Variants in PHACTR2 observed in about 807,000 individuals in gnomAD.
The protein encoded by PHACTR2 is phosphatase and actin regulator 2.
A neutral mutation model predicts 76.0 loss-of-function variants in PHACTR2; 30 were observed. The observed-to-expected ratio is 0.39, with a 90% confidence interval of 0.30 to 0.54. The LOEUF (loss-of-function observed/expected upper bound fraction) is 0.54. Ranked by LOEUF, PHACTR2 falls within the 20% of genes least tolerant of loss-of-function variation. PHACTR2 has a pLI of 0.61. For synonymous variants in PHACTR2, 292 were observed against 292.5 expected, an observed-to-expected ratio of 1.00 and a Z score of 0.02; for missense variants, 696 against 781.1, an observed-to-expected ratio of 0.89 and a Z score of 1.30.
chr6:143,812,979 A>G (rs6940823), intron 12 of PHACTR2, among the ~76,000 whole-genome samples: 65,306 of 152,044 alleles, frequency 0.43, 14,471 homozygotes, highest in African/African-American at 0.53. Context: ...ACAGCTGAGC[A>G]GTAAGATTTT....
At chr6:143,706,299 G>T (rs1048033264) in intron 1 of PHACTR2, among the ~76,000 whole-genome samples, 1 of 152,232 alleles carries the variant, frequency 6.6e-6, no homozygotes, top group Non-Finnish European at 1.5e-5. Context: ...AGATCTGTGC[G>T]TTGGGCGTGC....
Position 143,823,596 on chromosome 6 carries a change from G to T in PHACTR2, c.1923-78G>T. 5 of 1,091,082 alleles carry T rather than the reference G, an allele frequency of 4.6e-6. No individual in the cohort carries two copies. The South Asian group carries it at 6.5e-5, about 14-fold the overall frequency. 67.6% of individuals were successfully genotyped at this position (1,091,082 alleles called of 1,614,324 possible). A position where few individuals can be genotyped will look rare whatever the true frequency, so the allele number is the denominator to read the frequency against. The stretch of plus-strand genomic sequence containing the variant: ...TGGGGTACCTTTTCATTGTAAACAT[G>T]ACCACGCCTTATTCAGCTCACTGCA... On this transcript the variant is annotated intron_variant, in intron 12 of 12. Coordinates refer to ENST00000440869, the MANE Select transcript of PHACTR2 (RefSeq NM_001100164.2). This position sits in a 1 kb window ranked among gnomAD's most constrained non-coding sequence, Gnocchi z 5.7.
intron 1 of PHACTR2, among the ~76,000 whole-genome samples, chr6:143,693,936 G>C (rs1777709948): frequency 1.3e-5 from 2 of 152,152 alleles, no homozygotes; most frequent in South Asian, 4.1e-4. Flanking sequence ...GGGTGTGGTG[G>C]TGTGCACCTC....
upstream of PHACTR2, among the ~76,000 whole-genome samples, chr6:143,606,567 T>C (rs1025700437): frequency 5.3e-5 from 8 of 152,202 alleles, no homozygotes; most frequent in African/African-American, 7.2e-5. Flanking sequence ...ACTTCTTAGC[T>C]ACTCCTTACC....
chr6:143,641,407 G>A lies in PHACTR2; in HGVS notation c.13+33085G>A, dbSNP rs1186205432. The stretch of plus-strand genomic sequence containing the variant: ...AGGAAAGGAAGGATTCTCCTCCAGT[G>A]CCTTGAGAACGAGCACTGCCCTGCC... On this transcript the variant is annotated intron_variant, in intron 1 of 11. Coordinates refer to the PHACTR2 transcript ENST00000305766. The surrounding 1 kb of genome is among the most constrained non-coding windows in gnomAD (Gnocchi z 5.8). Among the ~76,000 whole-genome samples, 1 of 152,200 alleles carries A rather than the reference G, an allele frequency of 6.6e-6. No individual in the cohort carries two copies. Among genetic ancestry groups the A allele is most frequent in the Non-Finnish European group, 1.5e-5 (1 of 68,030 alleles).
chr6:143,711,325 A>G (rs1035496479), intron 1 of PHACTR2, among the ~76,000 whole-genome samples: 1 of 152,182 alleles, frequency 6.6e-6, no homozygotes, highest in Non-Finnish European at 1.5e-5. Flanking sequence ...AGTCATTGCT[A>G]TCTTCTGTCA....
At position 143,678,342 on chromosome 6, in the gene PHACTR2, A is replaced by C; in HGVS notation, c.46+133A>C. 1 of 769,502 alleles carries C rather than the reference A, an allele frequency of 1.3e-6. No individual in the cohort carries two copies. Among genetic ancestry groups the C allele is most frequent in the Non-Finnish European group, 1.9e-6 (1 of 533,924 alleles). 47.7% of individuals were successfully genotyped at this position (769,502 alleles called of 1,614,324 possible). ...GCCAAGTCCCTCGGAGAAACCCCAG[A>C]GGTAGCGCTCGCCAAACTCTTTGTC... is the stretch of plus-strand genomic sequence containing the variant. On this transcript the variant is annotated intron_variant, in intron 1 of 12. Transcript: ENST00000440869. The surrounding 1 kb of genome is among the most constrained non-coding windows in gnomAD (Gnocchi z 6.2).
chr6:143,678,003 C>T lies in PHACTR2; in HGVS notation c.-161C>T. Reference sequence around the variant, plus strand: ...GATCCGCCGCGCCGGCTGCGGCCGGCCGGGCTGGGAGACCCGCGCGGGGTA... The same window carrying T: ...GATCCGCCGCGCCGGCTGCGGCCGGTCGGGCTGGGAGACCCGCGCGGGGTA... On this transcript the variant is annotated 5_prime_UTR_variant, in exon 1 of 13. Transcript: ENST00000440869. The surrounding 1 kb of genome is among the most constrained non-coding windows in gnomAD (Gnocchi z 6.2). 1.4e-5 allele frequency: 21 copies of T among 1,451,374 alleles called. 1 individual carries two copies. In the South Asian group the frequency reaches 2.8e-4, roughly 20 times the overall value. The allele number at this position is 1,451,374 out of a possible 1,614,324, so 89.9% of individuals were successfully genotyped here.
chr6:143,567,928 A>C (rs1775385818), intron 1 of PHACTR2, among the ~76,000 whole-genome samples: 2 of 152,204 alleles, frequency 1.3e-5, no homozygotes, highest in Admixed American at 1.3e-4. Context: ...TACCTCTAGA[A>C]ACGTTCCAGC....
At chr6:143,575,337 T>C (rs1363038914) in intron 1 of PHACTR2, among the ~76,000 whole-genome samples, 1 of 152,226 alleles carries the variant, frequency 6.6e-6, no homozygotes, top group Non-Finnish European at 1.5e-5. Flanking sequence ...TTTACATAAT[T>C]TGTGTACTTT....
upstream of PHACTR2, among the ~76,000 whole-genome samples, chr6:143,675,580 A>G (rs1777232026): frequency 6.6e-6 from 1 of 152,202 alleles, no homozygotes; most frequent in Non-Finnish European, 1.5e-5. This position sits in a 1 kb window ranked among gnomAD's most constrained non-coding sequence, Gnocchi z 4.9. Flanking sequence ...GCATTTACCA[A>G]GATATCACTG....
In PHACTR2 at chr6:143,774,066, G is replaced by A. The variant is rs758351895; in HGVS notation, c.1440G>A (p.Leu480=). The change falls in exon 8 of 13, where the codon TTG becomes TTA. Residue 480 remains leucine (L), a synonymous_variant. Transcript: ENST00000440869. This position sits in a 1 kb window ranked among gnomAD's most constrained non-coding sequence, Gnocchi z 5.4. ...CTCTTTTTCAATCCTCAGGTGCTTT[G>A]GCAAGTAAAATACGCCGGAGGGATA... is the stretch of plus-strand genomic sequence containing the variant. ...EDEDGSGESA[L]ASKIRRRDTL... is the part of the protein sequence containing the mutation. 1 of 1,613,168 alleles carries A rather than the reference G, an allele frequency of 6.2e-7. No homozygotes were observed.
rs1375696326 is a variant in PHACTR2 at position 143,830,150 on chromosome 6, G to C, written c.*6461G>C. On this transcript the variant is annotated 3_prime_UTR_variant, in exon 13 of 13. Transcript: ENST00000440869. The stretch of plus-strand genomic sequence containing the variant: ...AACCACTTTCATCCCTTAAAATATA[G>C]GGACTAATATTTCTTTTTCTTTTTT... 6.6e-6 allele frequency: 1 copy of C among 151,968 alleles called. No homozygotes were observed. The highest frequency in any genetic ancestry group is 1.9e-4 in the East Asian group (1 of 5,198). The allele number at this position is 151,968 out of a possible 1,614,324, so 9.4% of individuals were successfully genotyped here. A position where few individuals can be genotyped will look rare whatever the true frequency, so the allele number is the denominator to read the frequency against.
intron 1 of PHACTR2, among the ~76,000 whole-genome samples, chr6:143,569,635 A>T (rs1775419328): frequency 6.6e-6 from 1 of 152,200 alleles, no homozygotes; most frequent in African/African-American, 2.4e-5. Flanking sequence ...CACTGGTGGT[A>T]TGTAGGATAT....
Position 143,722,300 on chromosome 6 carries a change from A to G in PHACTR2, c.214+10117A>G, listed in dbSNP as rs930550925. ...TTTCTTGGATGCTAGTTTCTCCGAA[A>G]GCACTAGAAGTCTCTGGCATTGGTT... On this transcript the variant is annotated intron_variant, in intron 2 of 12. Transcript: ENST00000440869. The surrounding 1 kb of genome is among the most constrained non-coding windows in gnomAD (Gnocchi z 4.1). 6.6e-6 allele frequency among the ~76,000 whole-genome samples: 1 copy of G among 152,116 alleles called. No homozygotes were observed. Among genetic ancestry groups the G allele is most frequent in the Non-Finnish European group, 1.5e-5 (1 of 68,034 alleles).
Position 143,589,090 on chromosome 6 carries a change from T to C in PHACTR2, c.217+51883T>C, listed in dbSNP as rs1266792822. Among the ~76,000 whole-genome samples, 1 of 152,206 alleles carries C rather than the reference T, an allele frequency of 6.6e-6. No individual in the cohort carries two copies. The highest frequency in any genetic ancestry group is 2.4e-5 in the African/African-American group (1 of 41,458). ...GCTTAAATAACAGAAATTTATTTTCTCACAGCTCTGGAGGCTGGAAGTCCA... is the reference window on the plus strand; with the variant it reads ...GCTTAAATAACAGAAATTTATTTTCCCACAGCTCTGGAGGCTGGAAGTCCA... On this transcript the variant is annotated intron_variant, in intron 1 of 11. Coordinates refer to the PHACTR2 transcript ENST00000367584. The surrounding 1 kb of genome is among the most constrained non-coding windows in gnomAD (Gnocchi z 4.4).
At chr6:143,706,206 G>T (rs1271347099) in intron 1 of PHACTR2, among the ~76,000 whole-genome samples, 1 of 152,108 alleles carries the variant, frequency 6.6e-6, no homozygotes, top group African/African-American at 2.4e-5. Flanking sequence ...GGCTCATCTG[G>T]TGTTTTCCAT....
At chr6:143,540,628 C>T (rs1169586097) in intron 1 of PHACTR2, among the ~76,000 whole-genome samples, 4 of 151,894 alleles carry the variant, frequency 2.6e-5, no homozygotes, top group Admixed American at 6.5e-5. Flanking sequence ...TCAAGACAAG[C>T]GTCTCAGACT....
Position 143,800,323 on chromosome 6 carries a change from G to T in PHACTR2, c.1846-6734G>T, listed in dbSNP as rs185438374. Among the ~76,000 whole-genome samples, 1 of 151,894 alleles carries T rather than the reference G, an allele frequency of 6.6e-6. No individual in the cohort carries two copies. Among genetic ancestry groups the T allele is most frequent in the Non-Finnish European group, 1.5e-5 (1 of 67,984 alleles). On this transcript the variant is annotated intron_variant, in intron 11 of 12. Transcript: ENST00000440869. The surrounding 1 kb of genome is among the most constrained non-coding windows in gnomAD (Gnocchi z 4.8). ...GTTGCCCAGGCTGGAGTGCAGTGGT[G>T]CAATCTCCGCTCACAGCAAGCTCCG...
Sources: gnomAD v4.1 joint callset for allele counts (sites outside exome capture counted in the v4.1 genomes callset) on GRCh38, gnomAD v4.1.1 for gene constraint, Gnocchi (gnomAD v3.1) non-coding constraint, MANE v1.5 for transcripts, NCBI Gene and HGNC (gene_info 2026-07-23, HGNC 2026-07-21) for gene names.